KCNJ6: variants seen among roughly 807,000 people sequenced by gnomAD.
KCNJ6 encodes potassium inwardly rectifying channel subfamily J member 6, also known as G protein-activated inward rectifier potassium channel 2.
A neutral mutation model predicts 34.2 loss-of-function variants in KCNJ6; 9 were observed. That is an observed-to-expected ratio of 0.26 (90% confidence interval 0.16 to 0.46). The LOEUF (loss-of-function observed/expected upper bound fraction) is 0.46. Ranked by LOEUF, KCNJ6 falls within the 20% of genes least tolerant of loss-of-function variation. The pLI, the probability that KCNJ6 is intolerant of heterozygous loss-of-function variation, is 1.00. For missense variants in KCNJ6, 236 were observed against 531.3 expected, an observed-to-expected ratio of 0.44 and a Z score of 5.46; for synonymous variants, 196 against 207.1, an observed-to-expected ratio of 0.95 and a Z score of 0.46.
At chr21:37,715,922 T>C (rs2054788126) in intron 2 of KCNJ6, among the ~76,000 whole-genome samples, 1 of 152,208 alleles carries the variant, frequency 6.6e-6, no homozygotes, top group Admixed American at 6.5e-5. Context: ...TATTTTATTA[T>C]GGCAGCCTGA....
At chr21:37,720,571 G>C (rs2123458018) in intron 2 of KCNJ6, among the ~76,000 whole-genome samples, 1 of 152,322 alleles carries the variant, frequency 6.6e-6, no homozygotes, top group South Asian at 2.1e-4. Flanking sequence ...GAACGGGACA[G>C]ATGTCATCTT....
At chr21:37,839,738 A>G (rs2123577166) in intron 2 of KCNJ6, among the ~76,000 whole-genome samples, 1 of 152,352 alleles carries the variant, frequency 6.6e-6, no homozygotes, top group Non-Finnish European at 1.5e-5. Flanking sequence ...ATTAGATTTC[A>G]TCATAGAAAA....
chr21:37,797,605 AT>A lies in KCNJ6; in HGVS notation c.25+43052del, dbSNP rs566871521. Among the ~76,000 whole-genome samples the A allele has an allele frequency of 3.3e-3, 492 of 147,260 alleles. 1 individual carries two copies. The highest frequency in any genetic ancestry group is 0.011 in the African/African-American group (442 of 40,326). On this transcript the variant is annotated intron_variant, in intron 2 of 3. Coordinates refer to ENST00000609713, the MANE Select transcript of KCNJ6 (RefSeq NM_002240.5). ...TGACATTTTCCCGCCTGTGGTTTGC[AT>A]TTTTTTTTTTCTAACCAGTCTACCA...
rs142514577 is a variant in KCNJ6, at chr21:37,780,794, G to A, written c.25+59864C>T. On this transcript the variant is annotated intron_variant, in intron 2 of 3. Transcript: ENST00000609713. ...ATGGATACCCTATTTTGCATGATGC[G>A]ATTATTATGCATTGCATGCCTGTAT... 2.1e-3 allele frequency among the ~76,000 whole-genome samples: 322 copies of A among 152,162 alleles called. 2 individuals are homozygous for A. The highest frequency in any genetic ancestry group is 7.0e-3 in the African/African-American group (291 of 41,492).
chr21:37,813,870 A>C (rs1004839638), intron 2 of KCNJ6, among the ~76,000 whole-genome samples: 2 of 152,224 alleles, frequency 1.3e-5, no homozygotes, highest in Non-Finnish European at 2.9e-5. Flanking sequence ...AATACCCTAC[A>C]AGCATGGGCA....
chr21:37,908,186 C>T (rs1423195691), intron 1 of KCNJ6, among the ~76,000 whole-genome samples: 1 of 152,210 alleles, frequency 6.6e-6, no homozygotes, highest in Non-Finnish European at 1.5e-5. Context: ...TGGATCACCA[C>T]TCTGTTTCTT....
At chr21:37,694,180 C>T in intron 3 of KCNJ6, among the ~76,000 whole-genome samples, 1 of 152,152 alleles carries the variant, frequency 6.6e-6, no homozygotes, top group South Asian at 2.1e-4. Flanking sequence ...TACCTGTGGG[C>T]CCTGAGTTTT....
chr21:37,873,682 TCA>T (rs1315091614), intron 1 of KCNJ6, among the ~76,000 whole-genome samples: 2 of 152,146 alleles, frequency 1.3e-5, no homozygotes, highest in Non-Finnish European at 2.9e-5. Context: ...ATTGACTTTC[TCA>T]CTCTCCCTGT....
At chr21:37,641,943 G>A (rs1010181754) in intron 3 of KCNJ6, among the ~76,000 whole-genome samples, 6 of 152,212 alleles carry the variant, frequency 3.9e-5, no homozygotes, top group Non-Finnish European at 8.8e-5. Flanking sequence ...AATTATTCAT[G>A]AGGGCCAGTT....
Position 37,615,070 on chromosome 21 carries a change from C to T in KCNJ6, c.*10089G>A, listed in dbSNP as rs147216248. The T allele has an allele frequency of 1.2e-4, 18 of 152,172 alleles. No homozygotes were observed. Among genetic ancestry groups the T allele is most frequent in the South Asian group, 4.2e-4 (2 of 4,816 alleles). 9.4% of individuals were successfully genotyped at this position (152,172 alleles called of 1,614,324 possible). On this transcript the variant is annotated 3_prime_UTR_variant, in exon 4 of 4. Coordinates refer to ENST00000609713, the MANE Select transcript of KCNJ6 (RefSeq NM_002240.5). ...TCTTACAGTGCAGTTGTCGAGATTG[C>T]GGAAAGTTCTCATCTACCCTCTAAT...
chr21:37,898,596 A>AAAAAAG (rs1162647605), intron 1 of KCNJ6, among the ~76,000 whole-genome samples: 1 of 151,476 alleles, frequency 6.6e-6, no homozygotes, highest in African/African-American at 2.4e-5. Flanking sequence ...AGAAAAAAAA[A>AAAAAAG]AAAAAGAAAA....
At chr21:37,877,831 GA>G in intron 1 of KCNJ6, among the ~76,000 whole-genome samples, 1 of 152,338 alleles carries the variant, frequency 6.6e-6, no homozygotes, top group East Asian at 1.9e-4. Flanking sequence ...CCAGGTTTCA[GA>G]ACAAAAGTGG....
chr21:37,637,867 G>A (rs2054364966), intron 3 of KCNJ6, among the ~76,000 whole-genome samples: 1 of 152,214 alleles, frequency 6.6e-6, no homozygotes, highest in African/African-American at 2.4e-5. Context: ...GCAAGAAGGT[G>A]GTTGTCCTAC....
At chr21:37,899,411 TTC>T (rs1276795302) in intron 1 of KCNJ6, among the ~76,000 whole-genome samples, 1 of 152,202 alleles carries the variant, frequency 6.6e-6, no homozygotes, top group Non-Finnish European at 1.5e-5. Flanking sequence ...CCTCTTCTCG[TTC>T]TCTCTCACTC....
intron 1 of KCNJ6, among the ~76,000 whole-genome samples, chr21:37,874,411 C>G (rs1033816481): frequency 2.0e-5 from 3 of 152,202 alleles, no homozygotes; most frequent in Admixed American, 6.5e-5. Context: ...ATCTCCAGCC[C>G]TTGAACTCCA....
intron 2 of KCNJ6, among the ~76,000 whole-genome samples, chr21:37,775,980 T>C (rs1225742021): frequency 2.6e-5 from 4 of 152,222 alleles, no homozygotes; most frequent in Non-Finnish European, 5.9e-5. Flanking sequence ...TTCCTACCCA[T>C]GAGCATGGAA....
chr21:37,787,784 A>G (rs1441633243), intron 2 of KCNJ6, among the ~76,000 whole-genome samples: 1 of 152,262 alleles, frequency 6.6e-6, no homozygotes, highest in Non-Finnish European at 1.5e-5. Flanking sequence ...TGGAGTTAGA[A>G]AGAACTGGAA....
At chr21:37,635,890 T>C (rs931326844) in intron 3 of KCNJ6, among the ~76,000 whole-genome samples, 3 of 152,248 alleles carry the variant, frequency 2.0e-5, no homozygotes, top group Non-Finnish European at 4.4e-5. Flanking sequence ...TCAAGTACTA[T>C]ATTAAAAAAT....
intron 1 of KCNJ6, among the ~76,000 whole-genome samples, chr21:37,853,861 T>TATATATAA (rs940498600): frequency 6.1e-5 from 9 of 146,732 alleles, no homozygotes; most frequent in Admixed American, 4.8e-4. Context: ...TATATATATA[T>TATATATAA]AAATTACATT....
Sources: gnomAD v4.1 joint callset for allele counts (sites outside exome capture counted in the v4.1 genomes callset) on GRCh38, gnomAD v4.1.1 for gene constraint, MANE v1.5 for transcripts, NCBI Gene and HGNC (gene_info 2026-07-23, HGNC 2026-07-21) for gene names.